Variants in KLRD1 observed in about 807,000 individuals in gnomAD.
KLRD1 encodes the protein natural killer cells antigen CD94.
In KLRD1, 21 loss-of-function variants were observed where a neutral mutation model predicts 22.6. The ratio of observed to expected loss-of-function variants is 0.93; its 90% CI spans 0.66 to 1.34. The LOEUF (loss-of-function observed/expected upper bound fraction) is 1.34, where lower values mean the gene tolerates loss of function less well. Ranked by LOEUF, KLRD1 falls within the 40% of genes most tolerant of loss-of-function variation. The probability of loss-of-function intolerance (pLI) is 0.00; values close to 1 mark genes in which losing one functional copy is unlikely to be tolerated. For synonymous variants in KLRD1, 59 were observed against 71.1 expected (o/e 0.83, Z 0.85); for missense variants, 183 against 208.6 (o/e 0.88, Z 0.76).
chr12:10,258,308 T>C (rs3932012), intron 1 of KLRD1, among the ~76,000 whole-genome samples: 121,893 of 152,152 alleles, frequency 0.8, 53,423 homozygotes, highest in Non-Finnish European at 0.98. Flanking sequence ...TATTTTTTTA[T>C]CTTGTATCAT....
chr12:10,266,045 A>AT (rs1199456536), intron 1 of KLRD1, among the ~76,000 whole-genome samples: 1 of 151,766 alleles, frequency 6.6e-6, no homozygotes, highest in Non-Finnish European at 1.5e-5. Context: ...ACCGTTTTCA[A>AT]TTTTTTTTGC....
intron 1 of KLRD1, among the ~76,000 whole-genome samples, chr12:10,241,010 G>C (rs1949236579): frequency 6.6e-6 from 1 of 152,110 alleles, no homozygotes; most frequent in African/African-American, 2.4e-5. Flanking sequence ...TACTTGGTAA[G>C]ATTCAAGTTG....
At position 10,289,197 on chromosome 12, in the gene KLRD1, C is replaced by T. The variant is rs1271594936; in HGVS notation, c.-100-18781C>T. Among the ~76,000 whole-genome samples the T allele has an allele frequency of 2.0e-5, 3 of 152,272 alleles. No individual in the cohort carries two copies. In the East Asian group the frequency reaches 5.8e-4, roughly 29 times the overall value. On this transcript the variant is annotated intron_variant, in intron 1 of 5. Transcript: ENST00000544747. ...TTGGTTTGTTATTTCAGAATGAGAA[C>T]CCTAAAGGCCACCCAACAGTTCACC...
At chr12:10,275,819 C>T (rs1305695453) in intron 1 of KLRD1, among the ~76,000 whole-genome samples, 3 of 151,948 alleles carry the variant, frequency 2.0e-5, no homozygotes, top group African/African-American at 4.8e-5. Context: ...GACAAACATA[C>T]AGGAAAGGAC....
At chr12:10,243,759 TAAAG>T (rs1333693394) in intron 1 of KLRD1, among the ~76,000 whole-genome samples, 1 of 151,586 alleles carries the variant, frequency 6.6e-6, no homozygotes, top group African/African-American at 2.4e-5. Context: ...AGTGTGCAAA[TAAAG>T]GTGTTATAAT....
chr12:10,285,920 C>T (rs1949697599), intron 1 of KLRD1, among the ~76,000 whole-genome samples: 1 of 152,294 alleles, frequency 6.6e-6, no homozygotes, highest in South Asian at 2.1e-4. Context: ...GCTTGTAAAC[C>T]TCAGTTCTGG....
At position 10,272,285 on chromosome 12, in the gene KLRD1, A is replaced by G. The variant is rs186104431; in HGVS notation, c.-100-35693A>G. 1.4e-4 allele frequency among the ~76,000 whole-genome samples: 21 copies of G among 152,298 alleles called. No individual in the cohort carries two copies. In the East Asian group the frequency reaches 3.9e-3, roughly 28 times the overall value. ...AACTCATAGACACCAAAAGTCAATG[A>G]CATTCACCAAAAGTCAATAACATTA... On this transcript the variant is annotated intron_variant, in intron 1 of 5. Coordinates refer to the KLRD1 transcript ENST00000544747.
At chr12:10,268,044 G>A (rs1429201897) in intron 1 of KLRD1, among the ~76,000 whole-genome samples, 1 of 152,152 alleles carries the variant, frequency 6.6e-6, no homozygotes, top group African/African-American at 2.4e-5. Flanking sequence ...AATCAGTAAA[G>A]GTAAGTGAGT....
chr12:10,312,051 CTT>C (rs71049085), intron 4 of KLRD1, among the ~76,000 whole-genome samples: 62,848 of 122,416 alleles, frequency 0.51, 15,255 homozygotes, highest in South Asian at 0.59. Context: ...CTTTTCTTTT[CTT>C]TTTTTTTTTT....
intron 1 of KLRD1, among the ~76,000 whole-genome samples, chr12:10,275,935 C>A (rs760847039): frequency 5.9e-5 from 9 of 152,176 alleles, no homozygotes; most frequent in Non-Finnish European, 1.0e-4. Context: ...TATTACAATG[C>A]TTCCTCCTAG....
In KLRD1 at chr12:10,328,384, G is replaced by T. The variant is rs1482540922; in HGVS notation, c.*13591G>T. 1 of 151,872 alleles carries T rather than the reference G, an allele frequency of 6.6e-6. No homozygotes were observed. The highest frequency in any genetic ancestry group is 6.6e-5 in the Admixed American group (1 of 15,246). The allele number at this position is 151,872 out of a possible 1,614,324, so 9.4% of individuals were successfully genotyped here. ...TCTATTTCTTCATAATTCAGTCTTGGTAGGTCCTTGTCTTTGTGAATTTTT... is the reference window on the plus strand; with the variant it reads ...TCTATTTCTTCATAATTCAGTCTTGTTAGGTCCTTGTCTTTGTGAATTTTT... On this transcript the variant is annotated 3_prime_UTR_variant, in exon 6 of 6. Transcript: ENST00000336164.
intron 1 of KLRD1, among the ~76,000 whole-genome samples, chr12:10,248,758 C>A (rs769776609): frequency 1.3e-5 from 2 of 151,742 alleles, no homozygotes; most frequent in Non-Finnish European, 2.9e-5. Context: ...CCACCACACC[C>A]GGCTACTTTT....
upstream of KLRD1, among the ~76,000 whole-genome samples, chr12:10,304,275 T>C (rs529212160): frequency 2.2e-4 from 33 of 152,206 alleles, no homozygotes; most frequent in Non-Finnish European, 4.3e-4. Context: ...TAATGGTGTT[T>C]GTGGCTGCAC....
chr12:10,305,666 G>C (rs1949910736), upstream of KLRD1, among the ~76,000 whole-genome samples: 1 of 152,278 alleles, frequency 6.6e-6, no homozygotes, highest in African/African-American at 2.4e-5. Context: ...GGATTAGCAT[G>C]TCTGAGAACA....
intron 1 of KLRD1, among the ~76,000 whole-genome samples, chr12:10,266,704 C>T (rs186082181): frequency 5.9e-5 from 9 of 151,736 alleles, no homozygotes; most frequent in Admixed American, 5.3e-4. Context: ...TATATATGTA[C>T]ACACATATAT....
At chr12:10,306,174 A>G (rs1949923537), upstream of KLRD1, among the ~76,000 whole-genome samples, 1 of 151,704 alleles carries the variant, frequency 6.6e-6, no homozygotes, top group African/African-American at 2.4e-5. Flanking sequence ...AAAAACAAAC[A>G]AACAAAAACA....
intron 1 of KLRD1, among the ~76,000 whole-genome samples, chr12:10,269,520 T>C (rs1324722348): frequency 2.0e-5 from 3 of 152,244 alleles, no homozygotes; most frequent in Non-Finnish European, 2.9e-5. Context: ...AGCTTACTTA[T>C]TTTGTCTGCA....
At chr12:10,279,279 G>T (rs1949619739) in intron 1 of KLRD1, among the ~76,000 whole-genome samples, 1 of 152,080 alleles carries the variant, frequency 6.6e-6, no homozygotes, top group South Asian at 2.1e-4. Flanking sequence ...GTTTGCTTAG[G>T]ATAATGTCCT....
At position 10,311,188 on chromosome 12, in the gene KLRD1, AT is replaced by A. The variant is rs201244406; in HGVS notation, c.164-269del. Among the ~76,000 whole-genome samples the A allele has an allele frequency of 2.2e-4, 33 of 152,168 alleles. No homozygotes were observed. In the East Asian group the frequency reaches 6.4e-3, roughly 29 times the overall value. Reference sequence around the variant, plus strand: ...GCTACATGCTGTTTTAACATACTTAATTTTTTTGTACTTATCTAAATCATCA... The same window carrying A: ...GCTACATGCTGTTTTAACATACTTAATTTTTTGTACTTATCTAAATCATCA... On this transcript the variant is annotated intron_variant, in intron 3 of 5. Transcript: ENST00000336164.
Sources: gnomAD v4.1 joint callset for allele counts (sites outside exome capture counted in the v4.1 genomes callset) on GRCh38, gnomAD v4.1.1 for gene constraint, MANE v1.5 for transcripts, NCBI Gene and HGNC (gene_info 2026-07-23, HGNC 2026-07-21) for gene names.